Variants in CRISP2 observed in about 807,000 individuals in gnomAD.
The protein encoded by CRISP2 is cysteine-rich secretory protein 2.
Under a neutral mutation model 31.7 loss-of-function variants are expected in CRISP2, and 29 were observed. The ratio of observed to expected loss-of-function variants is 0.92; its 90% CI spans 0.68 to 1.25. The LOEUF is 1.25. Ranked by LOEUF, CRISP2 falls within the 50% of genes most tolerant of loss-of-function variation. The probability of loss-of-function intolerance (pLI) is 0.00; values close to 1 mark genes in which losing one functional copy is unlikely to be tolerated. For synonymous variants in CRISP2, 111 were observed against 101.4 expected, an observed-to-expected ratio of 1.09 and a Z score of -0.57; for missense variants, 318 against 286.5, an observed-to-expected ratio of 1.11 and a Z score of -0.79.
chr6:49,705,246 A>T (rs948126231), intron 4 of CRISP2, among the ~76,000 whole-genome samples: 4 of 152,022 alleles, frequency 2.6e-5, no homozygotes, highest in African/African-American at 9.7e-5. Flanking sequence ...CAAGGGGGCT[A>T]TGGCTGCCTC....
the CRISP2 span, among the ~76,000 whole-genome samples, chr6:49,684,241 A>G: frequency 6.6e-6 from 1 of 152,132 alleles, no homozygotes; most frequent in South Asian, 2.1e-4. Flanking sequence ...ATGGTGTAGC[A>G]TTTGTTATGA....
At chr6:49,689,514 A>G (rs913134033), downstream of CRISP2, among the ~76,000 whole-genome samples, 83 of 152,156 alleles carry the variant, frequency 5.5e-4, no homozygotes, top group Non-Finnish European at 1.9e-4. Flanking sequence ...TAAATAACTT[A>G]CTACCTAAAC....
At chr6:49,706,683 C>T (rs1203826017) in intron 4 of CRISP2, among the ~76,000 whole-genome samples, 1 of 152,164 alleles carries the variant, frequency 6.6e-6, no homozygotes, top group Non-Finnish European at 1.5e-5. Context: ...CTGAAAGGAA[C>T]AGGGCTCCTC....
At chr6:49,682,948 C>A in the CRISP2 span, among the ~76,000 whole-genome samples, 2 of 151,760 alleles carry the variant, frequency 1.3e-5, no homozygotes, top group East Asian at 3.9e-4. Context: ...CACCTGAGGT[C>A]AAGAGTTCAG....
rs1561873678 is a variant in CRISP2 at position 49,700,753 on chromosome 6, TG to T, written c.97del (p.Gln33SerfsTer9). On this transcript the variant is annotated frameshift_variant, in exon 5 of 10. Coordinates refer to ENST00000339139, the MANE Select transcript of CRISP2 (RefSeq NM_003296.4). LOFTEE classifies it high-confidence loss of function. Reference protein sequence around the residue: ...DPAFTALLTTQLQVQREIVNK... With the variant: ...DPAFTALLTTXLQVQREIVNK... ...TACAATCTCCCTTTGCACTTGCAAC[TG>T]GGTGGTTAACAAAGCAGTAAAAGCG... The T allele has an allele frequency of 6.2e-7, 1 of 1,612,090 alleles. No homozygotes were observed. The highest frequency in any genetic ancestry group is 1.3e-5 in the African/African-American group (1 of 74,922).
chr6:49,701,525 T>TATATAC (rs1554135518), intron 4 of CRISP2, among the ~76,000 whole-genome samples: 4 of 81,100 alleles, frequency 4.9e-5, no homozygotes, highest in African/African-American at 1.6e-4. Context: ...TATATATATA[T>TATATAC]ACACACACAC....
chr6:49,681,086 G>A, the CRISP2 span, among the ~76,000 whole-genome samples: 1 of 152,168 alleles, frequency 6.6e-6, no homozygotes, highest in South Asian at 2.1e-4. Flanking sequence ...TGCCCTAAAT[G>A]GTATTTCCTA....
intron 6 of CRISP2, among the ~76,000 whole-genome samples, chr6:49,699,534 T>A (rs539336718): frequency 5.3e-5 from 8 of 152,020 alleles, no homozygotes; most frequent in Non-Finnish European, 1.2e-4. Context: ...TTTCTAATCT[T>A]TAAACTTACA....
At chr6:49,702,004 TAC>T (rs1766051776) in intron 4 of CRISP2, among the ~76,000 whole-genome samples, 2 of 73,988 alleles carry the variant, frequency 2.7e-5, no homozygotes, top group African/African-American at 5.7e-5. Context: ...TATTATATTA[TAC>T]ATATTAATGT....
At chr6:49,713,802 T>A (rs180683408), upstream of CRISP2, among the ~76,000 whole-genome samples, 40 of 151,928 alleles carry the variant, frequency 2.6e-4, no homozygotes, top group Admixed American at 1.5e-3. Context: ...AGGAGGGAGG[T>A]CATATAAGGA....
chr6:49,697,474 C>A (rs1363999743), intron 8 of CRISP2, among the ~76,000 whole-genome samples: 1 of 151,908 alleles, frequency 6.6e-6, no homozygotes. Flanking sequence ...GCCAAAATCA[C>A]AATCCATCTT....
chr6:49,685,320 G>A, the CRISP2 span, among the ~76,000 whole-genome samples: 1 of 150,436 alleles, frequency 6.6e-6, no homozygotes, highest in Non-Finnish European at 1.5e-5. Flanking sequence ...CCTAAGGAAA[G>A]GTTGTCTCTG....
At chr6:49,701,449 C>T (rs1345527147) in intron 4 of CRISP2, among the ~76,000 whole-genome samples, 1 of 143,710 alleles carries the variant, frequency 7.0e-6, no homozygotes, top group African/African-American at 2.6e-5. Context: ...CTGCAAATGC[C>T]ATTATTTCAT....
Position 49,698,390 on chromosome 6 carries a change from G to C in CRISP2, c.389C>G (p.Pro130Arg). 1 of 1,613,140 alleles carries C rather than the reference G, an allele frequency of 6.2e-7. No individual in the cohort carries two copies. The highest frequency in any genetic ancestry group is 1.1e-5 in the South Asian group (1 of 90,930). Reference protein sequence around the residue: ...DFVYGVGPKSPNAVVGHYTQL... With the variant: ...DFVYGVGPKSRNAVVGHYTQL... ...AGTATAATGTCCAACAACTGCATTGGGACTCTTTGGTCCTACACCATAGAC... is the reference window on the plus strand; with the variant it reads ...AGTATAATGTCCAACAACTGCATTGCGACTCTTTGGTCCTACACCATAGAC... The change falls in exon 7 of 10, where the codon CCC becomes CGC. Residue 130 changes from proline to arginine, a missense_variant. Physicochemically the swap from Pro to Arg is moderately radical, Grantham distance 103. Coordinates refer to ENST00000339139, the MANE Select transcript of CRISP2 (RefSeq NM_003296.4).
At chr6:49,701,587 GTATATATATACACACACACACGGTA>G (rs1313682714) in intron 4 of CRISP2, among the ~76,000 whole-genome samples, 8 of 50,710 alleles carry the variant, frequency 1.6e-4, no homozygotes, top group African/African-American at 5.3e-4. Context: ...ACGTGTGTGT[GTATATATATACACACACACACGGTA>G]TATATATATA....
intron 2 of CRISP2, 112 bp downstream of exon 2, chr6:49,712,389 T>C (rs1179641052): frequency 6.6e-6 from 1 of 152,216 alleles, no homozygotes; most frequent in African/African-American, 2.4e-5. Context: ...GGTGAGAGTA[T>C]ATTCAAGGAA....
In CRISP2 at chr6:49,701,498, GTGTATATATA is replaced by G. The variant is rs751465248; in HGVS notation, c.67-724_67-715del. Among the ~76,000 whole-genome samples, 19 of 62,074 alleles carry G rather than the reference GTGTATATATA, an allele frequency of 3.1e-4. 2 individuals carry two copies. Among genetic ancestry groups the G allele is most frequent in the East Asian group, 1.5e-3 (3 of 1,954 alleles). The allele number at this position is 62,074 out of a possible 152,430, so 40.7% of individuals were successfully genotyped here. ...TGAGCAGTATTACGTGTGTGTGTGT[GTGTATATATA>G]TATATATATATATATATACACACAC... On this transcript the variant is annotated intron_variant, in intron 4 of 9. Transcript: ENST00000339139.
chr6:49,695,724 T>A, intron 9 of CRISP2, 112 bp downstream of exon 9: 3 of 906,650 alleles, frequency 3.3e-6, no homozygotes, highest in Middle Eastern at 3.2e-4. Context: ...TTGGGTTTTT[T>A]CACCAATACA....
chr6:49,713,400 A>G (rs577136325), intron 1 of CRISP2, 75 bp downstream of exon 1: 5 of 152,358 alleles, frequency 3.3e-5, no homozygotes, highest in African/African-American at 9.6e-5. Context: ...CCTCACCTCA[A>G]CGATGGTTCT....
Sources: allele counts gnomAD v4.1 joint callset (sites outside exome capture counted in the v4.1 genomes callset), GRCh38; gene constraint gnomAD v4.1.1; transcripts MANE v1.5; gene names NCBI Gene and HGNC (gene_info 2026-07-23, HGNC 2026-07-21).